RUNX2: variants seen among roughly 807,000 people sequenced by gnomAD.
RUNX2 encodes the protein RUNX family transcription factor 2.
A neutral mutation model predicts 51.7 loss-of-function variants in RUNX2; 10 were observed. The observed-to-expected ratio is 0.19, with a 90% CI of 0.12 to 0.33. RUNX2 has a LOEUF of 0.33. RUNX2 is among the 10% of genes least tolerant of loss of function. RUNX2 has a pLI of 1.00. For synonymous variants in RUNX2, 276 were observed against 273.6 expected (o/e 1.01, Z -0.09); for missense variants, 562 against 691.3 (o/e 0.81, Z 2.10).
In RUNX2 at chr6:45,373,701, C is replaced by A. The variant is rs1796404753; in HGVS notation, c.58+44917C>A. On this transcript the variant is annotated intron_variant, in intron 2 of 8. Coordinates refer to ENST00000647337, the MANE Select transcript of RUNX2 (RefSeq NM_001024630.4). ...GAGTACCTGGGACTACAGGCATGCA[C>A]CACCATGCCCGGCTAATTTTTTTGT... is the stretch of plus-strand genomic sequence containing the variant. 2.6e-5 allele frequency among the ~76,000 whole-genome samples: 4 copies of A among 152,138 alleles called. No homozygotes were observed. The South Asian group carries it at 8.3e-4, about 31-fold the overall frequency.
At chr6:45,491,898 C>T in intron 5 of RUNX2, 43 bp from the exon 6 acceptor site, 1 of 1,588,140 alleles carries the variant, frequency 6.3e-7, no homozygotes, top group East Asian at 2.2e-5. Context: ...GTCAATTGTT[C>T]AGCTAATTAA....
intron 2 of RUNX2, among the ~76,000 whole-genome samples, chr6:45,387,678 T>C (rs1797380172): frequency 6.6e-6 from 1 of 152,238 alleles, no homozygotes; most frequent in African/African-American, 2.4e-5. Context: ...GTTGTGCTAC[T>C]GGTTATAGCC....
rs560491475 is a variant in RUNX2, at chr6:45,453,469, A to G, written c.685+15418A>G. 9.2e-5 allele frequency among the ~76,000 whole-genome samples: 14 copies of G among 152,320 alleles called. No individual in the cohort carries two copies. In the South Asian group the frequency reaches 2.9e-3, roughly 32 times the overall value. On this transcript the variant is annotated intron_variant, in intron 5 of 8. Coordinates refer to ENST00000647337, the MANE Select transcript of RUNX2 (RefSeq NM_001024630.4). ...GATATACTAGGTTATCTGAAGCAAC[A>G]GAACACCCACTGGTATACCCACAAA...
chr6:45,400,643 C>T (rs1448222230), intron 2 of RUNX2, among the ~76,000 whole-genome samples: 3 of 152,272 alleles, frequency 2.0e-5, no homozygotes, highest in South Asian at 2.1e-4. Context: ...TTGGGTTCTT[C>T]CCATTGTCTT....
intron 5 of RUNX2, among the ~76,000 whole-genome samples, chr6:45,478,503 A>G (rs1261233496): frequency 6.6e-6 from 1 of 152,228 alleles, no homozygotes; most frequent in East Asian, 1.9e-4. Context: ...ACTTAGTAGC[A>G]GAGCTAGGAA....
At chr6:45,418,191 T>A (rs766131303) in intron 2 of RUNX2, among the ~76,000 whole-genome samples, 1 of 152,192 alleles carries the variant, frequency 6.6e-6, no homozygotes, top group Non-Finnish European at 1.5e-5. Flanking sequence ...TATAAAATAA[T>A]GTATGGGGGT....
intron 5 of RUNX2, among the ~76,000 whole-genome samples, chr6:45,489,154 T>C (rs560808262): frequency 6.6e-6 from 1 of 152,314 alleles, no homozygotes; most frequent in Non-Finnish European, 1.5e-5. Context: ...GGCAGATATC[T>C]ACAAAGAAAA....
chr6:45,386,786 G>A (rs963590610), intron 2 of RUNX2, among the ~76,000 whole-genome samples: 10 of 152,336 alleles, frequency 6.6e-5, no homozygotes, highest in African/African-American at 2.4e-4. Context: ...ACTGCCAGTT[G>A]TCCAGCATGA....
chr6:45,508,994 C>T (rs907669891), intron 6 of RUNX2, among the ~76,000 whole-genome samples: 15 of 152,026 alleles, frequency 9.9e-5, no homozygotes, highest in Admixed American at 7.2e-4. Context: ...ATGAGACAAA[C>T]CCAGCTACCC....
intron 5 of RUNX2, among the ~76,000 whole-genome samples, chr6:45,464,650 C>A (rs1444777828): frequency 6.6e-6 from 1 of 152,320 alleles, no homozygotes; most frequent in East Asian, 1.9e-4. Flanking sequence ...CACTTTCTTA[C>A]AGAAAACAAA....
chr6:45,377,658 TGGCCGGCGCGGG>T (rs993136851), intron 2 of RUNX2: 4 of 152,108 alleles, frequency 2.6e-5, no homozygotes, highest in African/African-American at 9.7e-5. Context: ...GGCCAGGGCG[TGGCCGGCGCGGG>T]GGCCCAGCGA....
chr6:45,332,737 T>C (rs1468833459), intron 2 of RUNX2, among the ~76,000 whole-genome samples: 1 of 151,692 alleles, frequency 6.6e-6, no homozygotes, highest in Non-Finnish European at 1.5e-5. Context: ...AATAGACAAA[T>C]GCCATCAACT....
intron 3 of RUNX2, among the ~76,000 whole-genome samples, chr6:45,426,149 C>T (rs764567341): frequency 4.6e-4 from 70 of 152,198 alleles, no homozygotes; most frequent in Admixed American, 9.8e-4. Flanking sequence ...TTTATTTTTA[C>T]ATGTAAAAAT....
At chr6:45,438,520 A>G (rs567079723) in intron 5 of RUNX2, among the ~76,000 whole-genome samples, 1 of 152,322 alleles carries the variant, frequency 6.6e-6, no homozygotes, top group African/African-American at 2.4e-5. Context: ...CTTAATTACA[A>G]AGAATTTATT....
At chr6:45,536,381 G>C (rs1802034394) in intron 7 of RUNX2, among the ~76,000 whole-genome samples, 2 of 152,274 alleles carry the variant, frequency 1.3e-5, no homozygotes, top group African/African-American at 4.8e-5. Context: ...GATTGCGTTA[G>C]GCCTGGGGTA....
Position 45,547,720 on chromosome 6 carries a change from G to A in RUNX2, c.*415G>A, listed in dbSNP as rs1261046846. 1.3e-5 allele frequency: 4 copies of A among 299,356 alleles called. No homozygotes were observed. Among genetic ancestry groups the A allele is most frequent in the South Asian group, 6.4e-5 (2 of 31,414 alleles). 18.5% of individuals were successfully genotyped at this position (299,356 alleles called of 1,614,324 possible). A position where few individuals can be genotyped will look rare whatever the true frequency, so the allele number is the denominator to read the frequency against. ...GTGCTTTGAAACTTCACACCCTCAC[G>A]GTGGCAGCTGTGTATGGACCAGTGC... On this transcript the variant is annotated 3_prime_UTR_variant, in exon 9 of 9. Coordinates refer to ENST00000647337, the MANE Select transcript of RUNX2 (RefSeq NM_001024630.4).
chr6:45,536,229 G>T (rs1422339781), intron 7 of RUNX2, among the ~76,000 whole-genome samples: 2 of 152,022 alleles, frequency 1.3e-5, no homozygotes, highest in African/African-American at 4.8e-5. Flanking sequence ...CCCTCCCAGG[G>T]CATGGTCAGC....
intron 4 of RUNX2, among the ~76,000 whole-genome samples, chr6:45,437,338 C>G (rs1030148701): frequency 2.0e-5 from 3 of 152,042 alleles, no homozygotes; most frequent in African/African-American, 4.8e-5. Flanking sequence ...GAGGGGTGGA[C>G]AGGGAGGAGA....
chr6:45,524,399 G>T (rs1294621680), intron 7 of RUNX2, among the ~76,000 whole-genome samples: 1 of 152,124 alleles, frequency 6.6e-6, no homozygotes, highest in Non-Finnish European at 1.5e-5. Flanking sequence ...CCATAACTAT[G>T]CAGCGAAGCA....
Sources: allele counts gnomAD v4.1 joint callset (sites outside exome capture counted in the v4.1 genomes callset), GRCh38; gene constraint gnomAD v4.1.1; transcripts MANE v1.5; gene names NCBI Gene and HGNC (gene_info 2026-07-23, HGNC 2026-07-21).